Variants in TSPAN18 observed in about 807,000 individuals in gnomAD.
TSPAN18 encodes the protein tetraspanin 18.
In TSPAN18, 14 loss-of-function variants were observed where a neutral mutation model predicts 27.3. The observed-to-expected ratio is 0.51, with a 90% CI of 0.34 to 0.80. The LOEUF (loss-of-function observed/expected upper bound fraction) is 0.80. Ranked by LOEUF, TSPAN18 falls within the 30% of genes least tolerant of loss-of-function variation. The pLI is 0.01. For missense variants in TSPAN18, 268 were observed against 323.9 expected (o/e 0.83, Z 1.32); for synonymous variants, 143 against 136.5 (o/e 1.05, Z -0.33).
At chr11:44,781,165 G>A (rs1413129687) in intron 2 of TSPAN18, among the ~76,000 whole-genome samples, 1 of 152,206 alleles carries the variant, frequency 6.6e-6, no homozygotes, top group Non-Finnish European at 1.5e-5. Context: ...CTCTCCCCAT[G>A]TGTAGAGTAG....
At chr11:44,831,856 CCTT>C (rs1288017979) in intron 2 of TSPAN18, among the ~76,000 whole-genome samples, 1 of 152,002 alleles carries the variant, frequency 6.6e-6, no homozygotes, top group Non-Finnish European at 1.5e-5. Context: ...GTCCAGGAAG[CCTT>C]CTTGGAGGAG....
chr11:44,782,538 G>A (rs547507752), intron 2 of TSPAN18, among the ~76,000 whole-genome samples: 69 of 125,474 alleles, frequency 5.5e-4, no homozygotes, highest in Middle Eastern at 4.3e-3. Flanking sequence ...GTGAGACTCC[G>A]TCTCCACAAA....
chr11:44,897,716 C>A (rs1859113121), intron 3 of TSPAN18: 2 of 1,252,418 alleles, frequency 1.6e-6, no homozygotes, highest in Admixed American at 4.6e-5. Context: ...TTATTGACTT[C>A]CTGTAGTAAT....
At chr11:44,768,625 G>T (rs1338405330) in intron 2 of TSPAN18, among the ~76,000 whole-genome samples, 2 of 152,034 alleles carry the variant, frequency 1.3e-5, no homozygotes, top group Non-Finnish European at 2.9e-5. Flanking sequence ...AGGACTTCCA[G>T]TATAATGTGG....
intron 2 of TSPAN18, among the ~76,000 whole-genome samples, chr11:44,855,149 G>GTT (rs145095333): frequency 2.7e-5 from 4 of 148,960 alleles, no homozygotes; most frequent in Middle Eastern, 3.5e-3. Flanking sequence ...CATCCTGAAG[G>GTT]TTTTTTTTTT....
chr11:44,751,462 G>A (rs1855208810), intron 1 of TSPAN18, among the ~76,000 whole-genome samples: 1 of 152,174 alleles, frequency 6.6e-6, no homozygotes, highest in African/African-American at 2.4e-5. Flanking sequence ...TCACAGTGTG[G>A]TGGTGAGGTC....
intron 2 of TSPAN18, among the ~76,000 whole-genome samples, chr11:44,816,989 G>T (rs1419535810): frequency 1.3e-5 from 2 of 152,230 alleles, no homozygotes; most frequent in Non-Finnish European, 2.9e-5. Context: ...GGGCTCTGGT[G>T]CCACATGTGC....
At chr11:44,754,388 T>C (rs1206609729) in intron 1 of TSPAN18, among the ~76,000 whole-genome samples, 1 of 152,232 alleles carries the variant, frequency 6.6e-6, no homozygotes, top group African/African-American at 2.4e-5. Flanking sequence ...CAGACTATCC[T>C]TGGGCATGCG....
intron 2 of TSPAN18, among the ~76,000 whole-genome samples, chr11:44,791,676 A>G (rs1856226281): frequency 6.6e-6 from 1 of 152,226 alleles, no homozygotes; most frequent in Non-Finnish European, 1.5e-5. Flanking sequence ...AGGTCTGGGC[A>G]TCTGCTCTGG....
chr11:44,786,205 C>T (rs1218451514), intron 2 of TSPAN18, among the ~76,000 whole-genome samples: 2 of 152,242 alleles, frequency 1.3e-5, no homozygotes, highest in Non-Finnish European at 1.5e-5. Flanking sequence ...GCCCAGTAGG[C>T]TGGGCATGTG....
intron 9 of TSPAN18, among the ~76,000 whole-genome samples, chr11:44,927,615 A>T (rs148910284): frequency 2.0e-5 from 3 of 152,310 alleles, no homozygotes; most frequent in East Asian, 3.9e-4. Context: ...TTATTCATTC[A>T]TGTATTCAAC....
intron 3 of TSPAN18, among the ~76,000 whole-genome samples, chr11:44,896,308 C>T (rs1300447012): frequency 1.3e-5 from 2 of 152,160 alleles, no homozygotes; most frequent in Non-Finnish European, 2.9e-5. Context: ...GTTTGGATTC[C>T]AGCCCCATCA....
At chr11:44,777,055 G>A (rs1855826995) in intron 2 of TSPAN18, among the ~76,000 whole-genome samples, 1 of 152,206 alleles carries the variant, frequency 6.6e-6, no homozygotes, top group Admixed American at 6.5e-5. Context: ...AAAGAAAGAT[G>A]TTAAGAGAGA....
chr11:44,905,200 T>G (rs1859409902), intron 3 of TSPAN18, among the ~76,000 whole-genome samples: 1 of 152,172 alleles, frequency 6.6e-6, no homozygotes, highest in Non-Finnish European at 1.5e-5. Flanking sequence ...AACCTTATTT[T>G]GTGGAAGAAG....
chr11:44,853,455 T>A (rs1488902399), intron 2 of TSPAN18, among the ~76,000 whole-genome samples: 1 of 152,176 alleles, frequency 6.6e-6, no homozygotes, highest in Non-Finnish European at 1.5e-5. Flanking sequence ...GGGACAATAA[T>A]AACTGTAATT....
At chr11:44,759,080 CCTT>C (rs932733924) in intron 1 of TSPAN18, among the ~76,000 whole-genome samples, 18 of 152,224 alleles carry the variant, frequency 1.2e-4, no homozygotes, top group African/African-American at 3.9e-4. Flanking sequence ...CAGCAGCTGT[CCTT>C]CTGCTGTAAA....
intron 3 of TSPAN18, among the ~76,000 whole-genome samples, chr11:44,881,985 C>A (rs942130986): frequency 6.6e-6 from 1 of 152,124 alleles, no homozygotes; most frequent in African/African-American, 2.4e-5. Context: ...TGACTTCCGG[C>A]TAAATTCAGA....
chr11:44,811,175 C>CT (rs1554986590), intron 2 of TSPAN18, among the ~76,000 whole-genome samples: 2 of 149,426 alleles, frequency 1.3e-5, no homozygotes, highest in Non-Finnish European at 3.0e-5. Context: ...CACACACACA[C>CT]CCCTGCCTGT....
At chr11:44,883,710 G>A (rs999567156) in intron 3 of TSPAN18, among the ~76,000 whole-genome samples, 2 of 152,216 alleles carry the variant, frequency 1.3e-5, no homozygotes, top group Non-Finnish European at 2.9e-5. Context: ...CCACTACAAC[G>A]CTCTTTCTAC....
Sources: gnomAD v4.1 joint callset for allele counts (sites outside exome capture counted in the v4.1 genomes callset) on GRCh38, gnomAD v4.1.1 for gene constraint, MANE v1.5 for transcripts, NCBI Gene and HGNC (gene_info 2026-07-23, HGNC 2026-07-21) for gene names.